FHDC1: variants seen among roughly 807,000 people sequenced by gnomAD.
FHDC1 encodes FH2 domain containing 1.
In FHDC1, 25 loss-of-function variants were observed where a neutral mutation model predicts 52.6. The observed-to-expected ratio is 0.48, with a 90% CI of 0.35 to 0.66. The LOEUF (loss-of-function observed/expected upper bound fraction) is 0.66. FHDC1 is among the 30% of genes least tolerant of loss of function. The pLI is 0.01. For synonymous variants in FHDC1, 616 were observed against 581.5 expected, an observed-to-expected ratio of 1.06 and a Z score of -0.85; for missense variants, 1,459 against 1,452.8, an observed-to-expected ratio of 1.00 and a Z score of -0.07.
chr4:152,929,366 G>T, the FHDC1 span, among the ~76,000 whole-genome samples: 1 of 152,212 alleles, frequency 6.6e-6, no homozygotes, highest in Non-Finnish European at 1.5e-5. This position sits in a 1 kb window ranked among gnomAD's most constrained non-coding sequence, Gnocchi z 4.1. Context: ...CACATGAGCA[G>T]AGGGATGACT....
Position 152,954,793 on chromosome 4 carries a change from A to G in FHDC1, c.663+474A>G, listed in dbSNP as rs369030953. Among the ~76,000 whole-genome samples, 10 of 152,344 alleles carry G rather than the reference A, an allele frequency of 6.6e-5. 1 individual carries two copies. Among genetic ancestry groups the G allele is most frequent in the African/African-American group, 2.4e-5 (1 of 41,582 alleles). On this transcript the variant is annotated intron_variant, in intron 4 of 11. Coordinates refer to ENST00000511601, the MANE Select transcript of FHDC1 (RefSeq NM_001371116.1). ...ACATAAAAGTAAAAAGTGACCTGGT[A>G]GAAAAAGCATGGATTATGGAGTCAG...
At chr4:152,920,545 C>A in the FHDC1 span, among the ~76,000 whole-genome samples, 2 of 151,926 alleles carry the variant, frequency 1.3e-5, no homozygotes, top group African/African-American at 4.8e-5. Context: ...AATTTAAAGC[C>A]AAGAGCACAG....
upstream of FHDC1, among the ~76,000 whole-genome samples, chr4:152,933,729 CAAAAA>C (rs70949623): frequency 1.6e-5 from 1 of 60,802 alleles, no homozygotes; most frequent in Non-Finnish European, 3.3e-5. Flanking sequence ...GACCCCGTCT[CAAAAA>C]AAAAAAAAAA....
chr4:152,954,246 A>C lies in FHDC1; in HGVS notation c.590A>C (p.His197Pro). The change falls in exon 4 of 12, where the codon CAT (histidine) becomes CCT (proline). Residue 197 changes from histidine (H) to proline (P), a missense_variant. This residue lies in a region of FHDC1 where 513 missense variants were observed against 581.5 expected (regional missense o/e 0.88). Transcript: ENST00000511601. ...CCTCGGTCCATTGTAGAAGATATTC[A>C]TCAAGGAAAAAGTGAGCATTATGGA... ...KSPRSIVEDI[H>P]QGKSEHYGSE... The C allele has an allele frequency of 6.2e-7, 1 of 1,614,204 alleles. No homozygotes were observed. The highest frequency in any genetic ancestry group is 1.1e-5 in the South Asian group (1 of 91,084).
the FHDC1 span, among the ~76,000 whole-genome samples, chr4:152,925,778 C>T: frequency 6.6e-6 from 1 of 150,750 alleles, no homozygotes; most frequent in Non-Finnish European, 1.5e-5. Context: ...TTACTTTAAA[C>T]TCCCAAGGGT....
chr4:152,951,998 C>T (rs778744094), intron 2 of FHDC1, among the ~76,000 whole-genome samples: 5 of 152,154 alleles, frequency 3.3e-5, no homozygotes, highest in South Asian at 4.1e-4. Context: ...TATTGTAAGG[C>T]ACATCCTGAT....
chr4:152,966,073 C>G (rs570923168), intron 9 of FHDC1, among the ~76,000 whole-genome samples: 1 of 152,260 alleles, frequency 6.6e-6, no homozygotes, highest in Non-Finnish European at 1.5e-5. Flanking sequence ...AAGATAGGAA[C>G]TTTTGACTTA....
upstream of FHDC1, among the ~76,000 whole-genome samples, chr4:152,931,413 GT>G (rs957606245): frequency 6.5e-5 from 9 of 138,816 alleles, no homozygotes; most frequent in South Asian, 2.3e-4. Flanking sequence ...GATATCTACA[GT>G]TTTTTTTTTC....
At chr4:152,930,997 A>ACTCTCT in the FHDC1 span, among the ~76,000 whole-genome samples, 4 of 113,146 alleles carry the variant, frequency 3.5e-5, no homozygotes, top group African/African-American at 1.4e-4. Context: ...ACACACACAC[A>ACTCTCT]CTCTCTCTCT....
intron 2 of FHDC1, among the ~76,000 whole-genome samples, chr4:152,949,499 A>G (rs933086578): frequency 6.6e-6 from 1 of 151,860 alleles, no homozygotes; most frequent in African/African-American, 2.4e-5. Flanking sequence ...AAATAAATAA[A>G]AAGTTATGAT....
the FHDC1 span, among the ~76,000 whole-genome samples, chr4:152,924,253 G>GA: frequency 1.3e-4 from 20 of 152,068 alleles, no homozygotes; most frequent in African/African-American, 4.8e-4. Flanking sequence ...AAAAACACAT[G>GA]AAAAAATGCT....
Position 152,975,280 on chromosome 4 carries a change from C to G in FHDC1, c.1989C>G (p.Leu663=). 6.2e-7 allele frequency: 1 copy of G among 1,613,612 alleles called. No homozygotes were observed. Among genetic ancestry groups the G allele is most frequent in the Non-Finnish European group, 8.5e-7 (1 of 1,180,056 alleles). ...TGGGCTCAGCACAGTCCCCTCCTCTCTCGCCATTGGCTCTGGGAATTAAGG... is the reference window on the plus strand; with the variant it reads ...TGGGCTCAGCACAGTCCCCTCCTCTGTCGCCATTGGCTCTGGGAATTAAGG... ...VSLGSAQSPP[L]SPLALGIKEH... is the part of the protein sequence containing the mutation. The change falls in exon 12 of 12, where the codon CTC becomes CTG. Residue 663 remains leucine, a synonymous_variant. Transcript: ENST00000511601.
chr4:152,957,443 T>C (rs987874523), intron 4 of FHDC1, among the ~76,000 whole-genome samples: 1 of 152,226 alleles, frequency 6.6e-6, no homozygotes, highest in African/African-American at 2.4e-5. Flanking sequence ...TTATACCTTG[T>C]CTGGTGTCAC....
chr4:152,976,001 A>C lies in FHDC1; in HGVS notation c.2710A>C (p.Lys904Gln). Residue 904 changes from lysine (K) to glutamine (Q), a missense_variant, in exon 12 of 12, where the codon AAG becomes CAG. Lys to Gln is a moderately conservative substitution (Grantham distance 53). Around this residue, in one of 3 missense-constraint regions of FHDC1, gnomAD observed 939 missense variants for 854.5 expected, o/e 1.10. Coordinates refer to ENST00000511601, the MANE Select transcript of FHDC1 (RefSeq NM_001371116.1). Reference sequence around the variant, plus strand: ...CGCCTCAGAGAACGAGAGCATGCGCAAGGTCATGCCCATCACCAAGTCCAG... The same window carrying C: ...CGCCTCAGAGAACGAGAGCATGCGCCAGGTCATGCCCATCACCAAGTCCAG... ...LTASENESMR[K>Q]VMPITKSSRG... The C allele has an allele frequency of 6.5e-7, 1 of 1,535,244 alleles. No homozygotes were observed. Among genetic ancestry groups the C allele is most frequent in the Non-Finnish European group, 8.7e-7 (1 of 1,144,638 alleles).
In FHDC1 at chr4:152,960,627, G is replaced by C; in HGVS notation, c.726G>C (p.Leu242=). ...AGCTGTCTCTGGCAGATTCCTTTCT[G>C]TATGGCTTAATTCAGGTGCCAAAGT... is the stretch of plus-strand genomic sequence containing the variant. ...VSKLSLADSF[L]YGLIQVPNYS... The change falls in exon 5 of 12, where the codon CTG becomes CTC. Residue 242 remains leucine, a synonymous_variant. Transcript: ENST00000511601. 6.2e-7 allele frequency: 1 copy of C among 1,614,072 alleles called. No homozygotes were observed. The highest frequency in any genetic ancestry group is 8.5e-7 in the Non-Finnish European group (1 of 1,180,010).
At chr4:152,951,171 C>T (rs1344510605) in intron 2 of FHDC1, among the ~76,000 whole-genome samples, 1 of 152,158 alleles carries the variant, frequency 6.6e-6, no homozygotes, top group African/African-American at 2.4e-5. Context: ...TTTATCCATC[C>T]TAGGTGAATG....
At chr4:152,914,352 T>C in the FHDC1 span, among the ~76,000 whole-genome samples, 2 of 152,124 alleles carry the variant, frequency 1.3e-5, no homozygotes, top group Non-Finnish European at 2.9e-5. Flanking sequence ...TCAGCTTTGT[T>C]TTCATGAAAT....
chr4:152,921,524 T>G, the FHDC1 span, among the ~76,000 whole-genome samples: 1 of 152,046 alleles, frequency 6.6e-6, no homozygotes, highest in South Asian at 2.1e-4. Context: ...AGTAAGAACC[T>G]TACAGTTAGA....
At chr4:152,974,389 C>T (rs975014490) in intron 11 of FHDC1, among the ~76,000 whole-genome samples, 22 of 91,106 alleles carry the variant, frequency 2.4e-4, no homozygotes, top group Non-Finnish European at 6.6e-4. Flanking sequence ...GCCCAAGGAT[C>T]GGATAAAAAC....
Sources: gnomAD v4.1 joint callset for allele counts (sites outside exome capture counted in the v4.1 genomes callset) on GRCh38, gnomAD v4.1.1 for gene constraint, gnomAD v4.1.1 regional missense constraint, Gnocchi (gnomAD v3.1) non-coding constraint, MANE v1.5 for transcripts, NCBI Gene and HGNC (gene_info 2026-07-23, HGNC 2026-07-21) for gene names.